The following DCHS2 variants were observed in gnomAD, a reference collection of about 807,000 sequenced individuals.
DCHS2 encodes protocadherin-23.
DCHS2 carries 142 observed loss-of-function variants against 182.4 expected under a neutral mutation model. The observed-to-expected ratio is 0.78, with a 90% CI of 0.68 to 0.89. DCHS2 has a LOEUF of 0.89. Ranked by LOEUF, DCHS2 falls within the 40% of genes least tolerant of loss-of-function variation. The probability of loss-of-function intolerance (pLI) is 0.00; values close to 1 mark genes in which losing one functional copy is unlikely to be tolerated. For missense variants in DCHS2, 4,319 were observed against 4,198.6 expected (o/e 1.03, Z -0.79); for synonymous variants, 1,740 against 1,663.3 (o/e 1.05, Z -1.12).
In DCHS2 at chr4:154,370,463, T is replaced by C. The variant is rs548726413; in HGVS notation, c.2245-4022A>G. Among the ~76,000 whole-genome samples the C allele has an allele frequency of 5.3e-5, 8 of 152,270 alleles. No homozygotes were observed. The South Asian group carries it at 1.7e-3, about 32-fold the overall frequency. On this transcript the variant is annotated intron_variant, in intron 2 of 19. Transcript: ENST00000357232. Reference sequence around the variant, plus strand: ...ATGACATCAAAAGGAATCCAGAGTATTTTTTAAGATAGAGACTATTATTAT... The same window carrying C: ...ATGACATCAAAAGGAATCCAGAGTACTTTTTAAGATAGAGACTATTATTAT...
At chr4:154,291,509 C>T (rs1377059877) in intron 13 of DCHS2, among the ~76,000 whole-genome samples, 1 of 152,146 alleles carries the variant, frequency 6.6e-6, no homozygotes, top group East Asian at 1.9e-4. Context: ...TTTATTGCAG[C>T]ACTGTTCACA....
In DCHS2 at chr4:154,320,450, C is replaced by T. The variant is rs1312683023; in HGVS notation, c.4949G>A (p.Arg1650Lys). Residue 1650 changes from arginine to lysine, a missense_variant, in exon 9 of 20, where the codon AGG (arginine) becomes AAG (lysine). Coordinates refer to ENST00000357232, the MANE Select transcript of DCHS2 (RefSeq NM_001358235.2). The stretch of plus-strand genomic sequence containing the variant: ...GATGCTGTATGTTACTTTTCCATTC[C>T]TTCCTTCGTCTGGATCGTGAGCAGT... ...HITAHDPDEG[R>K]NGKVTYSILS... The T allele has an allele frequency of 1.2e-6, 2 of 1,614,060 alleles. No individual in the cohort carries two copies. Among genetic ancestry groups the T allele is most frequent in the South Asian group, 2.2e-5 (2 of 91,080 alleles).
At chr4:154,474,724 C>G (rs900033559) in intron 1 of DCHS2, among the ~76,000 whole-genome samples, 15 of 152,156 alleles carry the variant, frequency 9.9e-5, no homozygotes, top group African/African-American at 3.4e-4. Flanking sequence ...GGACAGGATA[C>G]TTAACCATGC....
At chr4:154,368,974 G>T (rs1730519070) in intron 2 of DCHS2, among the ~76,000 whole-genome samples, 1 of 151,974 alleles carries the variant, frequency 6.6e-6, no homozygotes, top group Non-Finnish European at 1.5e-5. Flanking sequence ...TATAAAATGT[G>T]GTGTGTACAT....
intron 3 of DCHS2, among the ~76,000 whole-genome samples, chr4:154,344,141 G>C (rs1729246302): frequency 6.6e-6 from 1 of 152,124 alleles, no homozygotes; most frequent in Non-Finnish European, 1.5e-5. Flanking sequence ...GCCATGGTTT[G>C]TGGCATCCCC....
chr4:154,363,973 G>A (rs1357126867), intron 3 of DCHS2, among the ~76,000 whole-genome samples: 2 of 152,170 alleles, frequency 1.3e-5, no homozygotes, highest in Admixed American at 1.3e-4. Flanking sequence ...AGCACTACCA[G>A]TCCTCATGAA....
chr4:154,426,683 C>T (rs1363768605), intron 1 of DCHS2, among the ~76,000 whole-genome samples: 1 of 152,012 alleles, frequency 6.6e-6, no homozygotes, highest in Admixed American at 6.6e-5. Context: ...CCTGTAATCC[C>T]AACACCTTGG....
chr4:154,321,916 A>G (rs1680663195), intron 8 of DCHS2, among the ~76,000 whole-genome samples: 1 of 152,086 alleles, frequency 6.6e-6, no homozygotes, highest in Non-Finnish European at 1.5e-5. Flanking sequence ...ATGAATCTGG[A>G]GTTACTTTTC....
At chr4:154,390,110 T>A (rs1294632798) in intron 1 of DCHS2, among the ~76,000 whole-genome samples, 2 of 151,792 alleles carry the variant, frequency 1.3e-5, no homozygotes, top group Non-Finnish European at 2.9e-5. Flanking sequence ...TAAATTTTTT[T>A]ATTTTTTTTC....
At chr4:154,375,412 A>G (rs1177950671) in intron 2 of DCHS2, among the ~76,000 whole-genome samples, 1 of 152,128 alleles carries the variant, frequency 6.6e-6, no homozygotes, top group East Asian at 1.9e-4. Context: ...AGAAAAATAT[A>G]TGCAGTAAAT....
At chr4:154,379,592 G>A (rs534089416) in intron 1 of DCHS2, among the ~76,000 whole-genome samples, 8 of 152,246 alleles carry the variant, frequency 5.3e-5, no homozygotes, top group South Asian at 2.1e-4. Context: ...TGGCTGTCTT[G>A]CATATATTTG....
intron 13 of DCHS2, among the ~76,000 whole-genome samples, chr4:154,273,552 A>C (rs543337172): frequency 1.3e-5 from 2 of 152,210 alleles, no homozygotes; most frequent in African/African-American, 2.4e-5. Context: ...ATCACCACTA[A>C]ATAAGTTATT....
At chr4:154,474,730 C>T (rs865908600) in intron 1 of DCHS2, among the ~76,000 whole-genome samples, 2 of 152,154 alleles carry the variant, frequency 1.3e-5, no homozygotes, top group Admixed American at 6.5e-5. Context: ...GATACTTAAC[C>T]ATGCTACTCC....
intron 1 of DCHS2, among the ~76,000 whole-genome samples, chr4:154,437,732 C>G (rs1579082523): frequency 1.3e-5 from 2 of 152,122 alleles, no homozygotes; most frequent in African/African-American, 2.4e-5. Context: ...CAACTTTTCT[C>G]TAAAATAATA....
intron 1 of DCHS2, among the ~76,000 whole-genome samples, chr4:154,399,330 A>T (rs1052144112): frequency 6.6e-6 from 1 of 152,240 alleles, no homozygotes; most frequent in African/African-American, 2.4e-5. Context: ...TCTGCCAAAA[A>T]ATATAAAAAA....
chr4:154,250,885 A>G (rs1732319192), intron 16 of DCHS2, among the ~76,000 whole-genome samples: 1 of 152,230 alleles, frequency 6.6e-6, no homozygotes, highest in African/African-American at 2.4e-5. Context: ...CCACTACGAG[A>G]CACAGAAAGT....
rs1728727733 is a variant in DCHS2 at position 154,489,784 on chromosome 4, C to T, written c.1572G>A (p.Thr524=). ...AGSPPLSTEE[T]LLLRVADLND... is the part of the protein sequence containing the mutation. ...TGAGGTCAGCGACCCGGAGTAGCAG[C>T]GTCTCCTCCGTGCTCAGCGGCGGGG... Residue 524 remains threonine (T), a synonymous_variant, in exon 1 of 20, where the codon ACG becomes ACA. Transcript: ENST00000357232. 7 of 1,551,626 alleles carry T rather than the reference C, an allele frequency of 4.5e-6. No homozygotes were observed. The highest frequency in any genetic ancestry group is 2.0e-5 in the Admixed American group (1 of 51,010).
At position 154,297,521 on chromosome 4, in the gene DCHS2, G is replaced by A. The variant is rs554796985; in HGVS notation, c.6463+330C>T. On this transcript the variant is annotated intron_variant, in intron 13 of 19. Transcript: ENST00000357232. ...GTAATTCCAAACATAAGGGAACTAAGAACAACTCTGACAAGAGGTCAGGAA... is the reference window on the plus strand; with the variant it reads ...GTAATTCCAAACATAAGGGAACTAAAAACAACTCTGACAAGAGGTCAGGAA... 4.6e-5 allele frequency among the ~76,000 whole-genome samples: 7 copies of A among 152,298 alleles called. 1 individual carries two copies. The East Asian group carries it at 7.7e-4, about 17-fold the overall frequency.
At chr4:154,321,921 C>A (rs561689158) in intron 8 of DCHS2, among the ~76,000 whole-genome samples, 1 of 152,144 alleles carries the variant, frequency 6.6e-6, no homozygotes, top group East Asian at 1.9e-4. Flanking sequence ...TCTGGAGTTA[C>A]TTTTCTAAAT....
Sources: gnomAD v4.1 joint callset for allele counts (sites outside exome capture counted in the v4.1 genomes callset) on GRCh38, gnomAD v4.1.1 for gene constraint, MANE v1.5 for transcripts, NCBI Gene and HGNC (gene_info 2026-07-23, HGNC 2026-07-21) for gene names.